CLPTM1: variants seen among roughly 807,000 people sequenced by gnomAD.
CLPTM1 encodes the protein CLPTM1 regulator of GABA type A receptor forward trafficking.
CLPTM1 carries 21 observed loss-of-function variants against 77.3 expected under a neutral mutation model. That is an observed-to-expected ratio of 0.27 (90% CI 0.19 to 0.39). The LOEUF is 0.39. Ranked by LOEUF, CLPTM1 falls within the 10% of genes least tolerant of loss-of-function variation. CLPTM1 has a pLI of 1.00. For missense variants in CLPTM1, 642 were observed against 921.2 expected, an observed-to-expected ratio of 0.70 and a Z score of 3.92; for synonymous variants, 373 against 381.0, an observed-to-expected ratio of 0.98 and a Z score of 0.24.
chr19:44,961,296 C>T (rs1051134821), intron 1 of CLPTM1, among the ~76,000 whole-genome samples: 24 of 152,174 alleles, frequency 1.6e-4, no homozygotes, highest in African/African-American at 5.8e-4. Context: ...ACCTGCTGGA[C>T]CAGGGGCCCT....
At chr19:44,954,914 A>G, upstream of CLPTM1, 1 of 1,437,384 alleles carries the variant, frequency 7.0e-7, no homozygotes, top group Non-Finnish European at 9.4e-7. Context: ...GCAAAAGGCT[A>G]GTTCTTCGAA....
chr19:44,985,193 C>G (rs1200911760), intron 5 of CLPTM1, 25 bp from the exon 6 acceptor site: 1 of 1,599,098 alleles, frequency 6.3e-7, no homozygotes, highest in South Asian at 1.1e-5. Context: ...CTCACGTCCC[C>G]TCCTTTCCCA....
intron 1 of CLPTM1, 72 bp downstream of exon 1, chr19:44,955,539 T>G: frequency 8.2e-7 from 1 of 1,226,714 alleles, no homozygotes; most frequent in East Asian, 3.1e-5. Context: ...GTGTCCTACC[T>G]CTTGTCACGG....
chr19:44,974,697 G>A (rs1041973487), intron 4 of CLPTM1, 100 bp downstream of exon 4: 8 of 1,363,142 alleles, frequency 5.9e-6, no homozygotes, highest in African/African-American at 4.4e-5. Flanking sequence ...TGGAGTTTGG[G>A]CTCCAGGCTT....
rs749940708 is a variant in CLPTM1, at chr19:44,993,233, C to T, written c.*336C>T. ...GGCCCCCCTACGGGATGCCCACGGC[C>T]GTTCATCATCTTGTCCCTCGTCCCC... is the stretch of plus-strand genomic sequence containing the variant. On this transcript the variant is annotated 3_prime_UTR_variant, in exon 14 of 14. Coordinates refer to ENST00000337392, the MANE Select transcript of CLPTM1 (RefSeq NM_001294.4). 2 of 531,608 alleles carry T rather than the reference C, an allele frequency of 3.8e-6. No homozygotes were observed. Among genetic ancestry groups the T allele is most frequent in the Non-Finnish European group, 7.2e-6 (2 of 277,820 alleles). The allele number at this position is 531,608 out of a possible 1,614,324, so 32.9% of individuals were successfully genotyped here. A position where few individuals can be genotyped will look rare whatever the true frequency, so the allele number is the denominator to read the frequency against.
rs1971066037 is a variant in CLPTM1 at position 44,991,018 on chromosome 19, G to A, written c.1419+73G>A. The A allele has an allele frequency of 7.3e-7, 1 of 1,371,666 alleles. No homozygotes were observed. 85.0% of individuals were successfully genotyped at this position (1,371,666 alleles called of 1,614,324 possible). On this transcript the variant is annotated intron_variant, in intron 11 of 13. Transcript: ENST00000337392. The surrounding 1 kb of genome is among the most constrained non-coding windows in gnomAD (Gnocchi z 5.4). The stretch of plus-strand genomic sequence containing the variant: ...CGTATCCCTGAGGCACCCGGGGCCG[G>A]CCATCTGTCTGCCGGACCCATGCTT...
intron 2 of CLPTM1, 93 bp from the exon 3 acceptor site, chr19:44,972,994 C>T (rs374216330): frequency 3.8e-5 from 58 of 1,538,310 alleles, no homozygotes; most frequent in Non-Finnish European, 4.8e-5. Context: ...CCAGGTCAGG[C>T]GCCAGCATGT....
intron 8 of CLPTM1, chr19:44,987,820 G>T: frequency 3.5e-6 from 2 of 575,026 alleles, no homozygotes; most frequent in Non-Finnish European, 6.2e-6. Flanking sequence ...TCTGCTCCTG[G>T]CTCCCAGTGT....
At chr19:44,962,475 C>T (rs774573422) in intron 2 of CLPTM1, among the ~76,000 whole-genome samples, 4 of 152,154 alleles carry the variant, frequency 2.6e-5, no homozygotes. Flanking sequence ...GCAGTTTCTT[C>T]TGTGGCTTCT....
chr19:44,975,965 CA>C, intron 4 of CLPTM1, among the ~76,000 whole-genome samples: 1 of 152,244 alleles, frequency 6.6e-6, no homozygotes. Flanking sequence ...TGGGCTCAAG[CA>C]ATCTTTTCAC....
intron 5 of CLPTM1, among the ~76,000 whole-genome samples, chr19:44,980,061 A>C (rs1371312753): frequency 6.6e-6 from 1 of 152,200 alleles, no homozygotes; most frequent in African/African-American, 2.4e-5. Flanking sequence ...GGTCTGTAAA[A>C]TAGAACCTGC....
intron 2 of CLPTM1, among the ~76,000 whole-genome samples, chr19:44,970,173 T>C (rs1970695890): frequency 6.8e-6 from 1 of 147,580 alleles, no homozygotes; most frequent in Non-Finnish European, 1.5e-5. Context: ...TACCAAGTCC[T>C]AGGTTTCCTT....
intron 9 of CLPTM1, among the ~76,000 whole-genome samples, chr19:44,989,718 G>A (rs1971039145): frequency 6.6e-6 from 1 of 152,170 alleles, no homozygotes; most frequent in South Asian, 2.1e-4. Flanking sequence ...TGGTGGCTCA[G>A]CCTCCTGTGG....
Position 44,990,438 on chromosome 19 carries a change from C to G in CLPTM1, c.1176C>G (p.Ser392=), listed in dbSNP as rs753757741. 2 of 1,613,948 alleles carry G rather than the reference C, an allele frequency of 1.2e-6. No individual in the cohort carries two copies. Among genetic ancestry groups the G allele is most frequent in the East Asian group, 2.2e-5 (1 of 44,888 alleles). Residue 392 remains serine, a synonymous_variant, in exon 10 of 14, where the codon TCC becomes TCG. Coordinates refer to ENST00000337392, the MANE Select transcript of CLPTM1 (RefSeq NM_001294.4). The surrounding 1 kb of genome is among the most constrained non-coding windows in gnomAD (Gnocchi z 4.8). ...GCCGGCAGTCCCTGGAGGGCCTGTC[C>G]GTGCGCTCCGTCTTCTTCGGCGTTT... ...WNSRQSLEGL[S]VRSVFFGVFQ... is the part of the protein sequence containing the mutation.
chr19:44,975,568 T>TG (rs1347685039), intron 4 of CLPTM1, among the ~76,000 whole-genome samples: 68 of 151,910 alleles, frequency 4.5e-4, no homozygotes, highest in African/African-American at 1.6e-3. Flanking sequence ...TTTTTTTTGT[T>TG]TTTTGTTTTT....
Position 44,990,227 on chromosome 19 carries a change from A to G in CLPTM1, c.1133-168A>G, listed in dbSNP as rs1443412639. ...TGTCTGGTGCTCTGGGGGTCACCCAATGAATATGAGAGCCTTCCTGGGAGA... is the reference window on the plus strand; with the variant it reads ...TGTCTGGTGCTCTGGGGGTCACCCAGTGAATATGAGAGCCTTCCTGGGAGA... On this transcript the variant is annotated intron_variant, in intron 9 of 13. Coordinates refer to ENST00000337392, the MANE Select transcript of CLPTM1 (RefSeq NM_001294.4). The surrounding 1 kb of genome is among the most constrained non-coding windows in gnomAD (Gnocchi z 4.8). 1.4e-5 allele frequency: 9 copies of G among 666,194 alleles called. No individual in the cohort carries two copies. Among genetic ancestry groups the G allele is most frequent in the Non-Finnish European group, 2.0e-5 (8 of 390,948 alleles). The allele number at this position is 666,194 out of a possible 1,614,324, so 41.3% of individuals were successfully genotyped here. A position where few individuals can be genotyped will look rare whatever the true frequency, so the allele number is the denominator to read the frequency against.
intron 5 of CLPTM1, among the ~76,000 whole-genome samples, chr19:44,982,077 G>A (rs771783862): frequency 2.0e-5 from 3 of 151,626 alleles, no homozygotes; most frequent in African/African-American, 4.9e-5. Flanking sequence ...GACTGGGCAC[G>A]GTGGCTCACA....
rs762940200 is a variant in CLPTM1, at chr19:44,990,834, C to G, written c.1324-16C>G. On this transcript the variant is annotated splice_polypyrimidine_tract_variant and intron_variant, in intron 10 of 13. Coordinates refer to ENST00000337392, the MANE Select transcript of CLPTM1 (RefSeq NM_001294.4). This position sits in a 1 kb window ranked among gnomAD's most constrained non-coding sequence, Gnocchi z 4.8. ...GCCAGCGTAGCAACTGACCATGGCA[C>G]CCACCTCATCCACAGCTGGACCGAG... 1.1e-5 allele frequency: 18 copies of G among 1,604,724 alleles called. No individual in the cohort carries two copies. The Admixed American group carries it at 1.3e-4, about 12-fold the overall frequency.
rs755763918 is a variant in CLPTM1 at position 44,990,857 on chromosome 19, G to A, written c.1331G>A (p.Arg444Gln). ...CACCCACCTCATCCACAGCTGGACCGAGAGCACAGGGTGGCAGGAATCTTC... is the reference window on the plus strand; with the variant it reads ...CACCCACCTCATCCACAGCTGGACCAAGAGCACAGGGTGGCAGGAATCTTC... ...ITKVMDVRLDREHRVAGIFPR... is the reference protein window; with the variant it reads ...ITKVMDVRLDQEHRVAGIFPR... The change falls in exon 11 of 14, where the codon CGA (arginine) becomes CAA (glutamine). Residue 444 changes from arginine (R) to glutamine (Q), a missense_variant. Arg to Gln is a conservative substitution (Grantham distance 43, BLOSUM62 1). This residue lies in a region of CLPTM1 where 521 missense variants were observed against 800.4 expected (regional missense o/e 0.65). Coordinates refer to ENST00000337392, the MANE Select transcript of CLPTM1 (RefSeq NM_001294.4). The surrounding 1 kb of genome is among the most constrained non-coding windows in gnomAD (Gnocchi z 4.8). 5.0e-6 allele frequency: 8 copies of A among 1,613,684 alleles called. No homozygotes were observed. The highest frequency in any genetic ancestry group is 2.7e-5 in the African/African-American group (2 of 74,986).
Sources: allele counts gnomAD v4.1 joint callset (sites outside exome capture counted in the v4.1 genomes callset), GRCh38; gene constraint gnomAD v4.1.1; regional missense constraint gnomAD v4.1.1; non-coding constraint Gnocchi (gnomAD v3.1); transcripts MANE v1.5; gene names NCBI Gene and HGNC (gene_info 2026-07-23, HGNC 2026-07-21).